AFDN: variants seen among roughly 807,000 people sequenced by gnomAD.
AFDN encodes the protein afadin, adherens junction formation factor.
A neutral mutation model predicts 216.6 loss-of-function variants in AFDN; 68 were observed. The ratio of observed to expected loss-of-function variants is 0.31; its 90% confidence interval spans 0.26 to 0.38. The LOEUF is 0.38. Among genes scored for constraint, AFDN ranks in the 10% least tolerant of loss-of-function variants. AFDN has a pLI of 1.00. For missense variants in AFDN, 2,136 were observed against 2,342.0 expected (o/e 0.91, Z 1.82); for synonymous variants, 868 against 853.7 (o/e 1.02, Z -0.29).
intron 31 of AFDN, chr6:167,963,221 A>C (rs1012605375): frequency 5.6e-6 from 6 of 1,065,130 alleles, no homozygotes; most frequent in Admixed American, 1.1e-4. Context: ...GTTTCTCTCC[A>C]TATCTCCCTT....
intron 6 of AFDN, among the ~76,000 whole-genome samples, chr6:167,882,390 G>T (rs1255428050): frequency 1.3e-5 from 2 of 151,898 alleles, no homozygotes. Context: ...AGGAAGCCAG[G>T]CATGGTGGCT....
intron 26 of AFDN, among the ~76,000 whole-genome samples, chr6:167,944,758 T>C (rs1284437658): frequency 6.6e-6 from 1 of 151,484 alleles, no homozygotes; most frequent in East Asian, 1.9e-4. Context: ...TGGGAACATA[T>C]CTTCACATAG....
rs138541711 is a variant in AFDN at position 167,951,822 on chromosome 6, C to G, written c.4468C>G (p.Pro1490Ala). The G allele has an allele frequency of 1.1e-4, 183 of 1,614,150 alleles. No homozygotes were observed. Among genetic ancestry groups the G allele is most frequent in the Non-Finnish European group, 1.5e-4 (177 of 1,180,038 alleles). Reference protein sequence around the residue: ...PQETVIRELQPQQQPRTIERR... With the variant: ...PQETVIRELQAQQQPRTIERR... ...GGAAACAGTCATTCGGGAGCTGCAGCCTCAGCAGCAGCCCCGCACGATCGA... is the reference window on the plus strand; with the variant it reads ...GGAAACAGTCATTCGGGAGCTGCAGGCTCAGCAGCAGCCCCGCACGATCGA... The change falls in exon 30 of 34, where the codon CCT (proline) becomes GCT (alanine). Residue 1490 changes from proline (P) to alanine (A), a missense_variant. Around this residue, in one of 8 missense-constraint regions of AFDN, gnomAD observed 981 missense variants for 966.0 expected, o/e 1.02. Coordinates refer to ENST00000683244, the MANE Select transcript of AFDN (RefSeq NM_001386888.1). The surrounding 1 kb of genome is among the most constrained non-coding windows in gnomAD (Gnocchi z 7.1).
intron 23 of AFDN, among the ~76,000 whole-genome samples, chr6:167,927,802 A>G (rs544210510): frequency 5.3e-5 from 8 of 152,248 alleles, no homozygotes; most frequent in Non-Finnish European, 1.0e-4. Context: ...GGCTGTTGCA[A>G]TTTAAGGGAC....
intron 23 of AFDN, among the ~76,000 whole-genome samples, chr6:167,925,539 C>T (rs1792407852): frequency 6.6e-6 from 1 of 152,176 alleles, no homozygotes; most frequent in African/African-American, 2.4e-5. Flanking sequence ...AAGGAGATTT[C>T]TGGTTCTCAT....
chr6:167,913,220 G>A lies in AFDN; in HGVS notation c.2038-183G>A, dbSNP rs193209431. On this transcript the variant is annotated intron_variant, in intron 15 of 33. Transcript: ENST00000683244. Reference sequence around the variant, plus strand: ...GAACATAAAACTAATCCTTTAGGTCGTATACTTCTAAAGGTGCTTCAGAAC... The same window carrying A: ...GAACATAAAACTAATCCTTTAGGTCATATACTTCTAAAGGTGCTTCAGAAC... 4.3e-3 allele frequency among the ~76,000 whole-genome samples: 655 copies of A among 152,284 alleles called. 1 individual carries two copies. The highest frequency in any genetic ancestry group is 7.3e-3 in the Non-Finnish European group (500 of 68,030).
At chr6:167,870,235 A>G in intron 2 of AFDN, 151 bp from the exon 3 acceptor site, 1 of 515,060 alleles carries the variant, frequency 1.9e-6, no homozygotes, top group Non-Finnish European at 3.4e-6. Flanking sequence ...GAATTAATTA[A>G]AACAAATGAT....
At chr6:167,897,052 T>G (rs1788350508) in intron 10 of AFDN, 80 bp downstream of exon 10, 3 of 693,744 alleles carry the variant, frequency 4.3e-6, no homozygotes, top group Non-Finnish European at 4.9e-6. Context: ...CACATGGTAA[T>G]GAAAGAAGGA....
rs531943379 is a variant in AFDN at position 167,882,866 on chromosome 6, C to A, written c.897+2349C>A. On this transcript the variant is annotated intron_variant, in intron 6 of 33. Coordinates refer to ENST00000683244, the MANE Select transcript of AFDN (RefSeq NM_001386888.1). ...AAGAATGATTCAAAAGAAAAAGATT[C>A]AAGTTGCATATAAAGGTTTGGGGAG... 3.4e-4 allele frequency among the ~76,000 whole-genome samples: 51 copies of A among 151,938 alleles called. No homozygotes were observed. In the South Asian group the frequency reaches 4.4e-3, roughly 13 times the overall value.
chr6:167,946,926 C>G, intron 27 of AFDN, 25 bp downstream of exon 27: 1 of 1,588,652 alleles, frequency 6.3e-7, no homozygotes, highest in African/African-American at 1.4e-5. Flanking sequence ...TTTTTGCTTC[C>G]TAAGTACACT....
intron 6 of AFDN, among the ~76,000 whole-genome samples, chr6:167,885,525 C>T (rs923473487): frequency 2.0e-5 from 3 of 152,174 alleles, no homozygotes; most frequent in Non-Finnish European, 4.4e-5. Flanking sequence ...GGGAGTGGAA[C>T]ATTCAGAACA....
intron 1 of AFDN, among the ~76,000 whole-genome samples, chr6:167,837,816 A>G (rs1180523120): frequency 6.6e-6 from 1 of 152,188 alleles, no homozygotes. Context: ...GTAAAATCCA[A>G]AAATTTAAGG....
At chr6:167,904,671 C>G (rs558921372) in intron 12 of AFDN, among the ~76,000 whole-genome samples, 15 of 152,270 alleles carry the variant, frequency 9.9e-5, no homozygotes, top group Middle Eastern at 6.8e-3. Context: ...CAGCGTTGCT[C>G]CAATAGAAAC....
intron 1 of AFDN, among the ~76,000 whole-genome samples, chr6:167,828,547 C>T (rs979351308): frequency 3.3e-5 from 5 of 152,178 alleles, no homozygotes; most frequent in African/African-American, 1.2e-4. Flanking sequence ...ATTCATTCAT[C>T]TTCTGTAATG....
At chr6:167,949,566 A>G (rs1433062154) in intron 29 of AFDN, among the ~76,000 whole-genome samples, 1 of 152,166 alleles carries the variant, frequency 6.6e-6, no homozygotes, top group Non-Finnish European at 1.5e-5. Flanking sequence ...GATCACCTGC[A>G]ACGGCCCAGT....
chr6:167,900,108 G>A (rs574606526), intron 11 of AFDN, among the ~76,000 whole-genome samples: 6 of 152,302 alleles, frequency 3.9e-5, no homozygotes, highest in Non-Finnish European at 5.9e-5. Flanking sequence ...GTGAAATTTT[G>A]TTACTATTGT....
rs143919555 is a variant in AFDN at position 167,840,168 on chromosome 6, T to G, written c.105+12931T>G. 3.2e-3 allele frequency among the ~76,000 whole-genome samples: 493 copies of G among 152,308 alleles called. 2 individuals are homozygous for G. The highest frequency in any genetic ancestry group is 0.011 in the African/African-American group (463 of 41,564). On this transcript the variant is annotated intron_variant, in intron 1 of 33. Coordinates refer to ENST00000683244, the MANE Select transcript of AFDN (RefSeq NM_001386888.1). The stretch of plus-strand genomic sequence containing the variant: ...CTGAGTTCATTTTAGGAAGTGATGT[T>G]TATTCTGAATCCTGAAAAATTTGTA...
chr6:167,949,636 T>C (rs558091727), intron 29 of AFDN, among the ~76,000 whole-genome samples: 1 of 152,352 alleles, frequency 6.6e-6, no homozygotes, highest in East Asian at 1.9e-4. Flanking sequence ...AGAAGGTGTC[T>C]TTCTCCAAAT....
At position 167,937,019 on chromosome 6, in the gene AFDN, T is replaced by C. The variant is rs1794091845; in HGVS notation, c.3100-6110T>C. Reference sequence around the variant, plus strand: ...TTATGATCAGTTTATGACTGTGAGCTGCACCTGAAGTATAAGTAGGATCCA... The same window carrying C: ...TTATGATCAGTTTATGACTGTGAGCCGCACCTGAAGTATAAGTAGGATCCA... On this transcript the variant is annotated intron_variant, in intron 23 of 33. Coordinates refer to ENST00000683244, the MANE Select transcript of AFDN (RefSeq NM_001386888.1). Among the ~76,000 whole-genome samples the C allele has an allele frequency of 2.0e-5, 3 of 152,198 alleles. No individual in the cohort carries two copies. In the South Asian group the frequency reaches 6.2e-4, roughly 32 times the overall value.
Sources: gnomAD v4.1 joint callset for allele counts (sites outside exome capture counted in the v4.1 genomes callset) on GRCh38, gnomAD v4.1.1 for gene constraint, gnomAD v4.1.1 regional missense constraint, Gnocchi (gnomAD v3.1) non-coding constraint, MANE v1.5 for transcripts, NCBI Gene and HGNC (gene_info 2026-07-23, HGNC 2026-07-21) for gene names.